Variants in ASRGL1 observed in about 807,000 individuals in gnomAD.
The protein encoded by ASRGL1 is asparaginase and isoaspartyl peptidase 1.
A neutral mutation model predicts 22.4 loss-of-function variants in ASRGL1; 16 were observed. The observed-to-expected ratio is 0.71, with a 90% CI of 0.48 to 1.08. The LOEUF is 1.08. ASRGL1 is among the 50% of genes least tolerant of loss of function. The pLI, the probability that ASRGL1 is intolerant of heterozygous loss-of-function variation, is 0.00. For synonymous variants in ASRGL1, 165 were observed against 159.3 expected, an observed-to-expected ratio of 1.04 and a Z score of -0.27; for missense variants, 412 against 410.1, an observed-to-expected ratio of 1.00 and a Z score of -0.04.
chr11:62,339,431 T>A (rs1310917287), intron 2 of ASRGL1, among the ~76,000 whole-genome samples: 4 of 152,204 alleles, frequency 2.6e-5, no homozygotes, highest in Non-Finnish European at 4.4e-5. Context: ...AGGTTAACTT[T>A]GGAGTGCAGA....
chr11:62,379,105 A>C (rs1283313995), intron 4 of ASRGL1, among the ~76,000 whole-genome samples: 2 of 152,178 alleles, frequency 1.3e-5, no homozygotes, highest in African/African-American at 4.8e-5. Context: ...CATTGGTTGA[A>C]GTAATCATTG....
Position 62,338,276 on chromosome 11 carries a change from C to T in ASRGL1, c.190+109C>T, listed in dbSNP as rs1463951638. 9.9e-6 allele frequency: 11 copies of T among 1,110,244 alleles called. No homozygotes were observed. In the East Asian group the frequency reaches 2.7e-4, roughly 27 times the overall value. 68.8% of individuals were successfully genotyped at this position (1,110,244 alleles called of 1,614,324 possible). A position where few individuals can be genotyped will look rare whatever the true frequency, so the allele number is the denominator to read the frequency against. Reference sequence around the variant, plus strand: ...GAATCTAATGAGCTTTGGGGTGAAACTAAGTATGTAAAAAAGAAACAATAT... The same window carrying T: ...GAATCTAATGAGCTTTGGGGTGAAATTAAGTATGTAAAAAAGAAACAATAT... On this transcript the variant is annotated intron_variant, in intron 2 of 6. Transcript: ENST00000415229.
chr11:62,395,486 A>T (rs1947421475), downstream of ASRGL1, among the ~76,000 whole-genome samples: 2 of 152,114 alleles, frequency 1.3e-5, no homozygotes, highest in Non-Finnish European at 2.9e-5. Context: ...AAGGGCCTTG[A>T]TCTCGTAGCT....
intron 6 of ASRGL1, 165 bp downstream of exon 6, chr11:62,391,797 C>A: frequency 2.2e-6 from 2 of 916,012 alleles, no homozygotes; most frequent in Non-Finnish European, 3.2e-6. Flanking sequence ...TCCCTTAGGT[C>A]TGGAATGGTA....
chr11:62,356,199 C>G, intron 2 of ASRGL1, 126 bp from the exon 3 acceptor site: 3 of 1,140,510 alleles, frequency 2.6e-6, no homozygotes, highest in Non-Finnish European at 3.7e-6. Context: ...TAGGGGCAGC[C>G]GGGCAGAGGC....
At chr11:62,388,753 G>A (rs915288174) in intron 4 of ASRGL1, among the ~76,000 whole-genome samples, 2 of 151,404 alleles carry the variant, frequency 1.3e-5, no homozygotes, top group African/African-American at 2.4e-5. Context: ...TCTCCTCTTG[G>A]TGGCAGCTTC....
intron 4 of ASRGL1, among the ~76,000 whole-genome samples, chr11:62,376,344 CT>C (rs1170682504): frequency 1.3e-5 from 2 of 151,556 alleles, no homozygotes; most frequent in South Asian, 2.1e-4. Flanking sequence ...CGCGGAGGCG[CT>C]TTTTTTTGCA....
chr11:62,372,333 G>A (rs1206375889), intron 4 of ASRGL1: 1 of 1,589,046 alleles, frequency 6.3e-7, no homozygotes. Flanking sequence ...CTAGACAGAC[G>A]CTGTCCCCAG....
intron 5 of ASRGL1, among the ~76,000 whole-genome samples, chr11:62,391,281 G>C (rs1219278304): frequency 1.3e-5 from 2 of 152,238 alleles, no homozygotes; most frequent in Non-Finnish European, 2.9e-5. Flanking sequence ...CTGTCCTGCT[G>C]TAGCTGCTCT....
intron 4 of ASRGL1, among the ~76,000 whole-genome samples, chr11:62,365,546 T>TC (rs1487207547): frequency 1.3e-5 from 2 of 151,820 alleles, no homozygotes; most frequent in African/African-American, 2.4e-5. Context: ...AGTGCAAGAC[T>TC]CCGTCTCAAA....
intron 4 of ASRGL1, chr11:62,371,875 A>C: frequency 7.7e-6 from 4 of 521,708 alleles, no homozygotes; most frequent in Non-Finnish European, 3.4e-6. Flanking sequence ...AATGGCGTGA[A>C]CCCGGGAGGC....
chr11:62,381,808 G>A lies in ASRGL1; in HGVS notation c.492-7325G>A, dbSNP rs560202567. 632 of 152,272 alleles carry A rather than the reference G, an allele frequency of 4.2e-3. 4 individuals carry two copies. The highest frequency in any genetic ancestry group is 7.3e-3 in the Non-Finnish European group (495 of 67,982). 9.4% of individuals were successfully genotyped at this position (152,272 alleles called of 1,614,324 possible). ...CATTGTTACCCTAGGTTCTTCCGAG[G>A]GCACAAGCTTACCACAAGACTGACT... On this transcript the variant is annotated intron_variant, in intron 4 of 6. Transcript: ENST00000415229.
intron 4 of ASRGL1, among the ~76,000 whole-genome samples, chr11:62,383,472 G>A (rs1307417396): frequency 1.0e-4 from 15 of 150,480 alleles, no homozygotes; most frequent in Non-Finnish European, 2.2e-4. Flanking sequence ...GCGTAGTGGC[G>A]GGCGCCTGTA....
chr11:62,342,249 A>T (rs192506800), intron 2 of ASRGL1, among the ~76,000 whole-genome samples: 1 of 152,352 alleles, frequency 6.6e-6, no homozygotes, highest in African/African-American at 2.4e-5. Context: ...AACACCTTTA[A>T]ATAAGGAAGA....
At chr11:62,345,019 G>A (rs185549880) in intron 2 of ASRGL1, among the ~76,000 whole-genome samples, 1 of 152,240 alleles carries the variant, frequency 6.6e-6, no homozygotes, top group East Asian at 1.9e-4. Context: ...ATGACCTCCA[G>A]TTCCATCCAT....
At chr11:62,354,692 AG>A in intron 2 of ASRGL1, among the ~76,000 whole-genome samples, 1 of 152,246 alleles carries the variant, frequency 6.6e-6, no homozygotes, top group African/African-American at 2.4e-5. Context: ...TGAAGGACAG[AG>A]TGGGATGATG....
intron 4 of ASRGL1, among the ~76,000 whole-genome samples, chr11:62,388,528 G>A (rs1947265777): frequency 6.6e-6 from 1 of 151,990 alleles, no homozygotes; most frequent in South Asian, 2.1e-4. Context: ...AAATTACCCA[G>A]GTGTGGTGGT....
chr11:62,392,071 G>A lies in ASRGL1; in HGVS notation c.722-8G>A. On this transcript the variant is annotated splice_polypyrimidine_tract_variant and splice_region_variant and intron_variant, in intron 6 of 6. Coordinates refer to ENST00000415229, the MANE Select transcript of ASRGL1 (RefSeq NM_001083926.2). ...GTGTGTTGTTTCTCAACCCTTCCTT[G>A]TTTTCAGGAAAGACGGTAGAAGAGG... 6.2e-7 allele frequency: 1 copy of A among 1,613,912 alleles called. No individual in the cohort carries two copies. Among genetic ancestry groups the A allele is most frequent in the Non-Finnish European group, 8.5e-7 (1 of 1,179,772 alleles).
intron 4 of ASRGL1, among the ~76,000 whole-genome samples, chr11:62,362,268 G>A (rs1054871530): frequency 2.0e-5 from 3 of 151,186 alleles, no homozygotes; most frequent in African/African-American, 7.3e-5. Flanking sequence ...TCAGGTGCAC[G>A]ATGAGAATAC....
Sources: gnomAD v4.1 joint callset for allele counts (sites outside exome capture counted in the v4.1 genomes callset) on GRCh38, gnomAD v4.1.1 for gene constraint, MANE v1.5 for transcripts, NCBI Gene and HGNC (gene_info 2026-07-23, HGNC 2026-07-21) for gene names.